Variants in UNC5A observed in about 807,000 individuals in gnomAD.
UNC5A encodes the protein unc-5 netrin receptor A.
Under a neutral mutation model 87.4 loss-of-function variants are expected in UNC5A, and 20 were observed. That is an observed-to-expected ratio of 0.23 (90% CI 0.16 to 0.33). The LOEUF is 0.33. Among genes scored for constraint, UNC5A ranks in the 10% least tolerant of loss-of-function variants. The probability of loss-of-function intolerance (pLI) is 1.00; values close to 1 mark genes in which losing one functional copy is unlikely to be tolerated. For missense variants in UNC5A, 844 were observed against 1,133.4 expected, an observed-to-expected ratio of 0.74 and a Z score of 3.67; for synonymous variants, 438 against 482.3, an observed-to-expected ratio of 0.91 and a Z score of 1.20.
chr5:176,858,778 A>AGGCAGGCAGGCAG (rs1561659057), intron 1 of UNC5A, among the ~76,000 whole-genome samples: 6 of 36,554 alleles, frequency 1.6e-4, no homozygotes, highest in African/African-American at 3.2e-4. Context: ...AAGGAAGGCA[A>AGGCAGGCAGGCAG]GCAAGCAGGC....
At position 176,879,379 on chromosome 5, in the gene UNC5A, G is replaced by A; in HGVS notation, c.2254G>A (p.Ala752Thr). ...GGTCCCAGCCCTGGTGGGCCCCAGT[G>A]CCTTCAAGATCCCCTTCCTCATTCG... ...AGVPALVGPS[A>T]FKIPFLIRQK... The change falls in exon 14 of 15, where the codon GCC becomes ACC. Residue 752 changes from alanine to threonine, a missense_variant. Coordinates refer to ENST00000329542, the MANE Select transcript of UNC5A (RefSeq NM_133369.3). 1 of 1,613,074 alleles carries A rather than the reference G, an allele frequency of 6.2e-7. No individual in the cohort carries two copies. Among genetic ancestry groups the A allele is most frequent in the Non-Finnish European group, 8.5e-7 (1 of 1,179,868 alleles).
In UNC5A at chr5:176,878,009, C is replaced by A. The variant is rs780231247; in HGVS notation, c.1751C>A (p.Ala584Asp). 1.2e-6 allele frequency: 2 copies of A among 1,607,258 alleles called. No individual in the cohort carries two copies. Among genetic ancestry groups the A allele is most frequent in the Non-Finnish European group, 1.7e-6 (2 of 1,179,940 alleles). ...QLGRFALVGE[A>D]LSVAAAKRLK... Reference sequence around the variant, plus strand: ...GGCCGCTTTGCCCTGGTGGGAGAGGCCCTCAGCGTGGCTGCCGCCAAGCGC... The same window carrying A: ...GGCCGCTTTGCCCTGGTGGGAGAGGACCTCAGCGTGGCTGCCGCCAAGCGC... The change falls in exon 11 of 15, where the codon GCC (alanine) becomes GAC (aspartate). Residue 584 changes from alanine to aspartate, a missense_variant. Around this residue, in one of 3 missense-constraint regions of UNC5A, gnomAD observed 353 missense variants for 387.5 expected, o/e 0.91. Transcript: ENST00000329542.
intron 1 of UNC5A, among the ~76,000 whole-genome samples, chr5:176,814,344 C>T (rs1293579528): frequency 6.6e-6 from 1 of 152,166 alleles, no homozygotes; most frequent in Non-Finnish European, 1.5e-5. Flanking sequence ...ATCTGGAGGT[C>T]GGGTGCCCTC....
intron 1 of UNC5A, among the ~76,000 whole-genome samples, chr5:176,845,258 C>T (rs1381447787): frequency 2.0e-5 from 3 of 152,192 alleles, no homozygotes; most frequent in African/African-American, 7.2e-5. Flanking sequence ...CGCTCCAGAG[C>T]TCTCTGACCC....
At chr5:176,876,922 C>T (rs1375805550) in intron 8 of UNC5A, among the ~76,000 whole-genome samples, 2 of 152,178 alleles carry the variant, frequency 1.3e-5, no homozygotes, top group East Asian at 1.9e-4. Flanking sequence ...AGGTCGGTAC[C>T]GCATACCTTC....
chr5:176,821,738 C>T (rs1756732591), intron 1 of UNC5A, among the ~76,000 whole-genome samples: 1 of 152,254 alleles, frequency 6.6e-6, no homozygotes, highest in Non-Finnish European at 1.5e-5. Context: ...GCATACACCA[C>T]TGCTCCTGAC....
At chr5:176,853,881 G>T (rs1311920208) in intron 1 of UNC5A, among the ~76,000 whole-genome samples, 1 of 152,214 alleles carries the variant, frequency 6.6e-6, no homozygotes, top group Non-Finnish European at 1.5e-5. Flanking sequence ...GGGACGGGAA[G>T]GGGAAGAAGA....
At chr5:176,818,638 ACTC>A (rs1756653749) in intron 1 of UNC5A, among the ~76,000 whole-genome samples, 1 of 151,494 alleles carries the variant, frequency 6.6e-6, no homozygotes, top group Admixed American at 6.6e-5. Flanking sequence ...GGCAGCTACT[ACTC>A]TGCCCGATCT....
intron 1 of UNC5A, among the ~76,000 whole-genome samples, chr5:176,845,484 A>G (rs1193631841): frequency 2.0e-5 from 3 of 152,130 alleles, no homozygotes; most frequent in Non-Finnish European, 2.9e-5. Flanking sequence ...GGCGTTATGC[A>G]CTGCACCTGT....
Position 176,815,110 on chromosome 5 carries a change from A to G in UNC5A, c.70+4290A>G, listed in dbSNP as rs539514534. Among the ~76,000 whole-genome samples the G allele has an allele frequency of 3.2e-4, 49 of 152,316 alleles. 1 individual carries two copies. The South Asian group carries it at 9.1e-3, about 28-fold the overall frequency. On this transcript the variant is annotated intron_variant, in intron 1 of 14. Coordinates refer to ENST00000329542, the MANE Select transcript of UNC5A (RefSeq NM_133369.3). ...AGTTGTATGCCCATGTCTGTTGAGT[A>G]GGAACCCCCATCCCCACCCTGGCAT... is the stretch of plus-strand genomic sequence containing the variant.
intron 1 of UNC5A, among the ~76,000 whole-genome samples, chr5:176,836,372 G>A (rs1009500761): frequency 5.9e-5 from 9 of 152,198 alleles, no homozygotes; most frequent in Non-Finnish European, 1.2e-4. Context: ...GAACTGGATT[G>A]TATTACAGAC....
At chr5:176,872,675 G>A (rs1758152307) in intron 6 of UNC5A, among the ~76,000 whole-genome samples, 1 of 105,518 alleles carries the variant, frequency 9.5e-6, no homozygotes, top group African/African-American at 3.9e-5. Flanking sequence ...CTTCACATCT[G>A]CCCACACTCA....
At chr5:176,826,180 G>GC (rs1469789376) in intron 1 of UNC5A, among the ~76,000 whole-genome samples, 3 of 152,258 alleles carry the variant, frequency 2.0e-5, no homozygotes, top group Non-Finnish European at 4.4e-5. Context: ...GGGCACATTT[G>GC]CTAGGGTTAG....
chr5:176,823,127 T>C (rs1416930885), intron 1 of UNC5A, among the ~76,000 whole-genome samples: 1 of 114,820 alleles, frequency 8.7e-6, no homozygotes, highest in Non-Finnish European at 1.7e-5. Context: ...GAGAGATGGA[T>C]GTGGGAGACG....
chr5:176,864,679 A>C, intron 2 of UNC5A: 1 of 334,836 alleles, frequency 3.0e-6, no homozygotes, highest in Non-Finnish European at 6.1e-6. Flanking sequence ...GTGTCGTCTC[A>C]GTGCCTTGGC....
chr5:176,818,096 A>G (rs943676273), intron 1 of UNC5A, among the ~76,000 whole-genome samples: 7 of 152,214 alleles, frequency 4.6e-5, no homozygotes, highest in African/African-American at 1.7e-4. Context: ...GCTGTAGCCC[A>G]GCTGCAGCCC....
chr5:176,832,972 G>A (rs994989718), intron 1 of UNC5A, among the ~76,000 whole-genome samples: 4 of 152,186 alleles, frequency 2.6e-5, no homozygotes, highest in Admixed American at 2.6e-4. Flanking sequence ...AACGAAAGGA[G>A]GCTCATGCCT....
At chr5:176,820,550 G>T (rs527551436) in intron 1 of UNC5A, among the ~76,000 whole-genome samples, 5 of 152,170 alleles carry the variant, frequency 3.3e-5, no homozygotes, top group Admixed American at 6.5e-5. Context: ...ATCCAGACAC[G>T]CCATGTTTCT....
rs1315090260 is a variant in UNC5A at position 176,844,798 on chromosome 5, T to C, written c.71-17826T>C. On this transcript the variant is annotated intron_variant, in intron 1 of 14. Transcript: ENST00000329542. This position sits in a 1 kb window ranked among gnomAD's most constrained non-coding sequence, Gnocchi z 4.2. Reference sequence around the variant, plus strand: ...GCCCAATCACTCACCCCGAGACCCCTCTCCACCCTCCAGCACTGCTTGCAG... The same window carrying C: ...GCCCAATCACTCACCCCGAGACCCCCCTCCACCCTCCAGCACTGCTTGCAG... 6.6e-6 allele frequency among the ~76,000 whole-genome samples: 1 copy of C among 152,078 alleles called. No individual in the cohort carries two copies. The highest frequency in any genetic ancestry group is 2.4e-5 in the African/African-American group (1 of 41,422).
Sources: gnomAD v4.1 joint callset for allele counts (sites outside exome capture counted in the v4.1 genomes callset) on GRCh38, gnomAD v4.1.1 for gene constraint, gnomAD v4.1.1 regional missense constraint, Gnocchi (gnomAD v3.1) non-coding constraint, MANE v1.5 for transcripts, NCBI Gene and HGNC (gene_info 2026-07-23, HGNC 2026-07-21) for gene names.